Variants in LIPJ observed in about 807,000 individuals in gnomAD.
LIPJ encodes lipase member J.
LIPJ carries 33 observed loss-of-function variants against 39.8 expected under a neutral mutation model. That is an observed-to-expected ratio of 0.83 (90% CI 0.63 to 1.11). LIPJ has a LOEUF of 1.11. Ranked by LOEUF, LIPJ falls within the 50% of genes least tolerant of loss-of-function variation. The probability of loss-of-function intolerance (pLI) is 0.00; values close to 1 mark genes in which losing one functional copy is unlikely to be tolerated. For synonymous variants in LIPJ, 128 were observed against 139.2 expected (o/e 0.92, Z 0.57); for missense variants, 422 against 427.9 (o/e 0.99, Z 0.12).
chr10:88,614,273 A>C, the LIPJ span, among the ~76,000 whole-genome samples: 1 of 152,074 alleles, frequency 6.6e-6, no homozygotes, highest in African/African-American at 2.4e-5. Flanking sequence ...GATTTGCTTC[A>C]AAATAATTCA....
intron 8 of LIPJ, among the ~76,000 whole-genome samples, chr10:88,598,963 ATATAT>A (rs956233201): frequency 2.3e-4 from 27 of 114,904 alleles, no homozygotes; most frequent in Non-Finnish European, 3.6e-4. Flanking sequence ...TAATAATATA[ATATAT>A]TATATTATTA....
At chr10:88,620,214 G>T in the LIPJ span, among the ~76,000 whole-genome samples, 1 of 151,864 alleles carries the variant, frequency 6.6e-6, no homozygotes, top group Non-Finnish European at 1.5e-5. Context: ...AGACTGAAAA[G>T]TACTAAAGAG....
At chr10:88,596,540 C>T (rs1272196258) in intron 7 of LIPJ, 124 bp downstream of exon 7, 1 of 1,035,818 alleles carries the variant, frequency 9.7e-7, no homozygotes, top group Non-Finnish European at 1.4e-6. Flanking sequence ...GTTTCATTTA[C>T]ACTACATTCT....
At chr10:88,600,696 T>C (rs922301622) in intron 8 of LIPJ, among the ~76,000 whole-genome samples, 5 of 152,206 alleles carry the variant, frequency 3.3e-5, no homozygotes, top group Admixed American at 3.3e-4. Context: ...AATAGTATGC[T>C]GCACATTCTC....
chr10:88,616,123 C>G, the LIPJ span, among the ~76,000 whole-genome samples: 3 of 151,912 alleles, frequency 2.0e-5, no homozygotes, highest in African/African-American at 7.3e-5. Flanking sequence ...ATGGAATACT[C>G]TTGTAGAATA....
the LIPJ span, among the ~76,000 whole-genome samples, chr10:88,622,906 T>C: frequency 2.0e-5 from 3 of 152,184 alleles, no homozygotes; most frequent in Admixed American, 6.5e-5. Context: ...TTTGTACTAA[T>C]CCAGATGAGA....
Position 88,594,023 on chromosome 10 carries a change from A to T in LIPJ, c.208A>T (p.Ser70Cys), listed in dbSNP as rs114272346. 1.6e-4 allele frequency: 252 copies of T among 1,612,332 alleles called. 5 individuals carry two copies. The East Asian group carries it at 5.6e-3, about 36-fold the overall frequency. ...CTGGATTTCCAATCTTCCCAACAAT[A>T]GTCTGGGCTTCATTCTGGCAGATGC... is the stretch of plus-strand genomic sequence containing the variant. The change falls in exon 5 of 11, where the codon AGT becomes TGT. Residue 70 changes from serine (S) to cysteine (C), a missense_variant. Transcript: ENST00000371939.
chr10:88,594,889 G>A, intron 6 of LIPJ, 113 bp downstream of exon 6: 1 of 446,940 alleles, frequency 2.2e-6, no homozygotes, highest in Non-Finnish European at 4.0e-6. Context: ...CAAAAACTGT[G>A]AGACAAACAT....
At chr10:88,592,055 A>G (rs1851097247) in intron 4 of LIPJ, 1 of 151,942 alleles carries the variant, frequency 6.6e-6, no homozygotes. Context: ...TCTTATTCAT[A>G]TAATTACCCA....
chr10:88,620,791 G>A, the LIPJ span, among the ~76,000 whole-genome samples: 6 of 152,160 alleles, frequency 3.9e-5, no homozygotes, highest in Non-Finnish European at 7.4e-5. Flanking sequence ...GGCTCAGGCT[G>A]CAATAAAAGA....
At chr10:88,617,427 C>T in the LIPJ span, among the ~76,000 whole-genome samples, 1 of 152,012 alleles carries the variant, frequency 6.6e-6, no homozygotes, top group Non-Finnish European at 1.5e-5. Flanking sequence ...AAGTAAATAC[C>T]AGGAATACGT....
intron 8 of LIPJ, among the ~76,000 whole-genome samples, chr10:88,601,836 A>T (rs182788865): frequency 6.6e-6 from 1 of 152,234 alleles, no homozygotes; most frequent in East Asian, 1.9e-4. Flanking sequence ...GATTTTGAGA[A>T]ATTTTTACTA....
chr10:88,594,152 T>C lies in LIPJ; in HGVS notation c.329+8T>C. ...AGAATTCTGGGCTTTCAGGTACAAA[T>C]AAAATGAAGTAACATTTCATTTTAT... is the stretch of plus-strand genomic sequence containing the variant. On this transcript the variant is annotated splice_region_variant and intron_variant, in intron 5 of 10. Transcript: ENST00000371939. 6.3e-7 allele frequency: 1 copy of C among 1,593,302 alleles called. No homozygotes were observed. Among genetic ancestry groups the C allele is most frequent in the Non-Finnish European group, 8.6e-7 (1 of 1,166,566 alleles).
exon 5 of LIPJ, chr10:88,593,957 G>A: frequency 6.2e-7 from 1 of 1,611,754 alleles, no homozygotes; most frequent in Non-Finnish European, 8.5e-7. Flanking sequence ...TCAGAGGGTT[G>A]TTGTATACTT....
intron 9 of LIPJ, among the ~76,000 whole-genome samples, chr10:88,605,210 GA>G (rs933206996): frequency 6.6e-6 from 1 of 152,078 alleles, no homozygotes; most frequent in Non-Finnish European, 1.5e-5. Context: ...AAGGGGTAAA[GA>G]AAAAAGTGAC....
chr10:88,619,967 C>G, the LIPJ span, among the ~76,000 whole-genome samples: 11 of 152,028 alleles, frequency 7.2e-5, no homozygotes, highest in East Asian at 2.1e-3. Context: ...AAAAAACAAG[C>G]AACAAACTTG....
chr10:88,605,502 C>T (rs562820732), intron 9 of LIPJ, 131 bp from the exon 10 acceptor site: 22 of 679,944 alleles, frequency 3.2e-5, no homozygotes, highest in African/African-American at 1.3e-4. Flanking sequence ...AAAAGAAGAA[C>T]GAAGAAGCCC....
the LIPJ span, among the ~76,000 whole-genome samples, chr10:88,615,141 T>A: frequency 6.6e-6 from 1 of 152,122 alleles, no homozygotes; most frequent in African/African-American, 2.4e-5. Context: ...CAAAGCATGA[T>A]CCTAAAGGAA....
At chr10:88,614,971 A>G in the LIPJ span, among the ~76,000 whole-genome samples, 1 of 152,210 alleles carries the variant, frequency 6.6e-6, no homozygotes, top group African/African-American at 2.4e-5. Flanking sequence ...ATTAGAGATT[A>G]CATACATTAT....
Sources: allele counts gnomAD v4.1 joint callset (sites outside exome capture counted in the v4.1 genomes callset), GRCh38; gene constraint gnomAD v4.1.1; transcripts MANE v1.5; gene names NCBI Gene and HGNC (gene_info 2026-07-23, HGNC 2026-07-21).